Variants in KIF25 observed in about 807,000 individuals in gnomAD.
The protein encoded by KIF25 is kinesin-like protein KIF25.
KIF25 carries 19 observed loss-of-function variants against 32.9 expected under a neutral mutation model. The observed-to-expected ratio is 0.58, with a 90% CI of 0.40 to 0.85. The LOEUF (loss-of-function observed/expected upper bound fraction) is 0.85. KIF25 is among the 40% of genes least tolerant of loss of function. The probability of loss-of-function intolerance (pLI) is 0.00; values close to 1 mark genes in which losing one functional copy is unlikely to be tolerated. For synonymous variants in KIF25, 225 were observed against 213.7 expected, an observed-to-expected ratio of 1.05 and a Z score of -0.46; for missense variants, 485 against 507.0, an observed-to-expected ratio of 0.96 and a Z score of 0.42.
At chr6:168,001,689 C>G (rs113285089) in intron 2 of KIF25, among the ~76,000 whole-genome samples, 1 of 115,132 alleles carries the variant, frequency 8.7e-6, no homozygotes, top group Non-Finnish European at 1.8e-5. Context: ...GGCGTGGCCT[C>G]GGGCAGGTGA....
intron 9 of KIF25, among the ~76,000 whole-genome samples, chr6:168,039,236 A>C (rs1433457483): frequency 6.6e-6 from 1 of 152,232 alleles, no homozygotes; most frequent in Admixed American, 6.5e-5. Context: ...ATGAGGAAGC[A>C]GACTTGTGGA....
intron 5 of KIF25, among the ~76,000 whole-genome samples, chr6:168,018,488 C>G (rs1226446524): frequency 2.0e-5 from 3 of 152,152 alleles, no homozygotes; most frequent in African/African-American, 7.2e-5. Context: ...AGGTCACAAC[C>G]CCATCATAAG....
At chr6:168,014,718 C>T (rs149185324) in intron 4 of KIF25, among the ~76,000 whole-genome samples, 47 of 152,302 alleles carry the variant, frequency 3.1e-4, no homozygotes, top group African/African-American at 1.1e-3. Flanking sequence ...TTAATAAAGT[C>T]GATCTCAGAT....
In KIF25 at chr6:168,042,136, G is replaced by A. The variant is rs750565768; in HGVS notation, c.814G>A (p.Gly272Ser). 1.3e-5 allele frequency: 20 copies of A among 1,549,366 alleles called. No homozygotes were observed. The highest frequency in any genetic ancestry group is 3.9e-5 in the Admixed American group (2 of 51,034). Reference sequence around the variant, plus strand: ...TCGACTACAGCTCGTGGACTCGGCCGGCAGCGAGTGCGTTGGTGAGCAGGG... The same window carrying A: ...TCGACTACAGCTCGTGGACTCGGCCAGCAGCGAGTGCGTTGGTGAGCAGGG... ...QARLQLVDSA[G>S]SECVGVSGVT... The change falls in exon 11 of 13, where the codon GGC becomes AGC. Residue 272 changes from glycine (G) to serine (S), a missense_variant. Physicochemically the swap from Gly to Ser is moderately conservative, Grantham distance 56. Around this residue, in one of 2 missense-constraint regions of KIF25, gnomAD observed 480 missense variants for 470.3 expected, o/e 1.02. Coordinates refer to ENST00000643607, the MANE Select transcript of KIF25 (RefSeq NM_030615.4).
intron 4 of KIF25, among the ~76,000 whole-genome samples, chr6:168,005,004 T>A (rs1352263886): frequency 6.6e-6 from 1 of 152,184 alleles, no homozygotes; most frequent in Non-Finnish European, 1.5e-5. Context: ...TCTCTAGTAA[T>A]AACTTTTGTT....
rs1372189749 is a variant in KIF25 at position 168,033,885 on chromosome 6, C to T, written c.171C>T (p.Tyr57=). ...CPLLTSLLDG[Y]NVCVMAYGQT... is the part of the protein sequence containing the mutation. Reference sequence around the variant, plus strand: ...CTGAATCTGCTCTGAATTTTAGGTACAATGTTTGTGTTATGGCGTATGGAC... The same window carrying T: ...CTGAATCTGCTCTGAATTTTAGGTATAATGTTTGTGTTATGGCGTATGGAC... The change falls in exon 8 of 13, where the codon TAC becomes TAT. Residue 57 remains tyrosine, a synonymous_variant. Coordinates refer to ENST00000643607, the MANE Select transcript of KIF25 (RefSeq NM_030615.4). The T allele has an allele frequency of 3.7e-6, 6 of 1,612,500 alleles. No homozygotes were observed. Among genetic ancestry groups the T allele is most frequent in the Admixed American group, 1.7e-5 (1 of 59,934 alleles).
In KIF25 at chr6:168,002,154, G is replaced by A. The variant is rs796244135; in HGVS notation, c.-369-389G>A. Among the ~76,000 whole-genome samples, 165 of 76,580 alleles carry A rather than the reference G, an allele frequency of 2.2e-3. 1 individual carries two copies. Among genetic ancestry groups the A allele is most frequent in the Middle Eastern group, 8.8e-3 (1 of 114 alleles). 50.2% of individuals were successfully genotyped at this position (76,580 alleles called of 152,430 possible). A position where few individuals can be genotyped will look rare whatever the true frequency, so the allele number is the denominator to read the frequency against. On this transcript the variant is annotated intron_variant, in intron 2 of 12. Coordinates refer to ENST00000643607, the MANE Select transcript of KIF25 (RefSeq NM_030615.4). ...GCAGGTGAGAAGACACCTGAGGCGT[G>A]GCCTCGGGCAGGTGAGAAGACACCT... is the stretch of plus-strand genomic sequence containing the variant.
intron 5 of KIF25, among the ~76,000 whole-genome samples, chr6:168,026,004 A>C (rs1798855182): frequency 6.6e-6 from 1 of 152,242 alleles, no homozygotes; most frequent in South Asian, 2.1e-4. Context: ...GGCAGTCTCC[A>C]AGTACTTTCA....
chr6:168,029,270 C>A (rs1798906380), intron 5 of KIF25, among the ~76,000 whole-genome samples: 1 of 152,166 alleles, frequency 6.6e-6, no homozygotes, highest in Admixed American at 6.5e-5. Flanking sequence ...AGTTTGCCAA[C>A]CCTTGCCATA....
chr6:168,011,337 C>A (rs547285986), intron 4 of KIF25, among the ~76,000 whole-genome samples: 1 of 152,182 alleles, frequency 6.6e-6, no homozygotes, highest in Admixed American at 6.5e-5. Flanking sequence ...TGTCTTTTCA[C>A]TTCCACATGT....
rs1383405994 is a variant in KIF25 at position 168,027,368 on chromosome 6, C to T, written c.-94-2124C>T. 4.1e-5 allele frequency among the ~76,000 whole-genome samples: 6 copies of T among 145,844 alleles called. 1 individual carries two copies. The highest frequency in any genetic ancestry group is 2.0e-4 in the East Asian group (1 of 4,922). On this transcript the variant is annotated intron_variant, in intron 5 of 12. Transcript: ENST00000643607. Reference sequence around the variant, plus strand: ...CTTGAGAGGCTGAGGCAGGGAGAATCGATTGAACCAAGGAGACAGAGGTTG... The same window carrying T: ...CTTGAGAGGCTGAGGCAGGGAGAATTGATTGAACCAAGGAGACAGAGGTTG...
intron 4 of KIF25, among the ~76,000 whole-genome samples, chr6:168,007,148 C>T (rs1306008002): frequency 6.6e-6 from 1 of 152,186 alleles, no homozygotes; most frequent in Non-Finnish European, 1.5e-5. Context: ...TGGTGGCTCA[C>T]ACTTGTAATC....
At chr6:168,033,752 A>G (rs1798974087) in intron 7 of KIF25, 130 bp from the exon 8 acceptor site, 1 of 968,112 alleles carries the variant, frequency 1.0e-6, no homozygotes, top group Admixed American at 2.6e-5. Flanking sequence ...AACCTAATTT[A>G]TAAGAAATGG....
At chr6:168,032,209 G>A (rs976609074) in intron 7 of KIF25, among the ~76,000 whole-genome samples, 7 of 152,214 alleles carry the variant, frequency 4.6e-5, no homozygotes, top group African/African-American at 1.7e-4. Context: ...CAGACTCTGA[G>A]GTTAAATTTT....
intron 2 of KIF25, among the ~76,000 whole-genome samples, chr6:168,002,085 G>A (rs1214361429): frequency 1.0e-3 from 70 of 67,094 alleles, no homozygotes; most frequent in African/African-American, 3.0e-3. Flanking sequence ...ACCTTCAGGC[G>A]TAGCCTCGGG....
rs78973025 is a variant in KIF25 at position 168,002,221 on chromosome 6, A to G, written c.-369-322A>G. 5.3e-5 allele frequency among the ~76,000 whole-genome samples: 5 copies of G among 94,786 alleles called. 2 individuals are homozygous for G. Among genetic ancestry groups the G allele is most frequent in the Non-Finnish European group, 1.1e-4 (5 of 44,902 alleles). The allele number at this position is 94,786 out of a possible 152,430, so 62.2% of individuals were successfully genotyped here. ...CAGGGGAGAAGACACCTTCAGGCAT[A>G]GCCTCGGGCAGGTGAGAAAGACACC... On this transcript the variant is annotated intron_variant, in intron 2 of 12. Transcript: ENST00000643607.
chr6:168,038,871 T>A, intron 9 of KIF25, 142 bp downstream of exon 9: 2 of 738,054 alleles, frequency 2.7e-6, no homozygotes, highest in South Asian at 3.9e-5. Flanking sequence ...GGTGGCCCGA[T>A]CAGTGCTCCT....
At chr6:168,044,796 C>T (rs1028586797) in intron 12 of KIF25, 31 bp from the exon 13 acceptor site, 1 of 1,555,118 alleles carries the variant, frequency 6.4e-7, no homozygotes. Context: ...GCTCTTCTTT[C>T]CAGCTTGCAT....
At chr6:168,005,000 G>GA (rs1478053647) in intron 4 of KIF25, among the ~76,000 whole-genome samples, 2 of 152,188 alleles carry the variant, frequency 1.3e-5, no homozygotes, top group African/African-American at 4.8e-5. Context: ...GGCTTCTCTA[G>GA]TAATAACTTT....
Sources: allele counts gnomAD v4.1 joint callset (sites outside exome capture counted in the v4.1 genomes callset), GRCh38; gene constraint gnomAD v4.1.1; regional missense constraint gnomAD v4.1.1; transcripts MANE v1.5; gene names NCBI Gene and HGNC (gene_info 2026-07-23, HGNC 2026-07-21).